The following ARG2 variants were observed in gnomAD, a reference collection of about 807,000 sequenced individuals.
ARG2 encodes arginase-2, mitochondrial.
ARG2 carries 21 observed loss-of-function variants against 39.4 expected under a neutral mutation model. The ratio of observed to expected loss-of-function variants is 0.53; its 90% CI spans 0.38 to 0.77. The LOEUF is 0.77. Ranked by LOEUF, ARG2 falls within the 30% of genes least tolerant of loss-of-function variation. The probability of loss-of-function intolerance (pLI) is 0.00; values close to 1 mark genes in which losing one functional copy is unlikely to be tolerated. For missense variants in ARG2, 378 were observed against 426.2 expected, an observed-to-expected ratio of 0.89 and a Z score of 1.00; for synonymous variants, 150 against 156.7, an observed-to-expected ratio of 0.96 and a Z score of 0.32.
rs766850931 is a variant in ARG2 at position 67,620,954 on chromosome 14, C to G, written c.172C>G (p.Leu58Val). 3.6e-5 allele frequency: 58 copies of G among 1,613,968 alleles called. No homozygotes were observed. The highest frequency in any genetic ancestry group is 4.7e-5 in the Non-Finnish European group (56 of 1,179,972). ...AIREAGLMKR[L>V]SSLGCHLKDF... Reference sequence around the variant, plus strand: ...AAGAGAAGCTGGCTTGATGAAAAGGCTCTCCAGTTTGGGTAAGTGGTTAGA... The same window carrying G: ...AAGAGAAGCTGGCTTGATGAAAAGGGTCTCCAGTTTGGGTAAGTGGTTAGA... Residue 58 changes from leucine (L) to valine (V), a missense_variant, in exon 2 of 8, where the codon CTC (leucine) becomes GTC (valine). Physicochemically the swap from Leu to Val is conservative, Grantham distance 32. Transcript: ENST00000261783.
chr14:67,641,913 T>G (rs1281116829), intron 2 of ARG2, among the ~76,000 whole-genome samples: 2 of 152,244 alleles, frequency 1.3e-5, no homozygotes, highest in Non-Finnish European at 2.9e-5. Flanking sequence ...ATTTCTACTC[T>G]ATCACTCCAG....
Position 67,645,739 on chromosome 14 carries a change from C to T in ARG2, c.459C>T (p.Thr153=), listed in dbSNP as rs1255558856. 6.2e-7 allele frequency: 1 copy of T among 1,613,932 alleles called. No individual in the cohort carries two copies. Among genetic ancestry groups the T allele is most frequent in the African/African-American group, 1.3e-5 (1 of 74,908 alleles). The change falls in exon 4 of 8, where the codon ACC becomes ACT. Residue 153 remains threonine, a synonymous_variant. Transcript: ENST00000261783. ...ATGCTGACATCAACACACCCCTTACCACTTCATCAGGAAATCTCCATGGAC... is the reference window on the plus strand; with the variant it reads ...ATGCTGACATCAACACACCCCTTACTACTTCATCAGGAAATCTCCATGGAC... ...DAHADINTPL[T]TSSGNLHGQP...
At chr14:67,626,914 GC>G (rs2036872427) in intron 2 of ARG2, among the ~76,000 whole-genome samples, 1 of 152,202 alleles carries the variant, frequency 6.6e-6, no homozygotes. Context: ...ACTAATTTAT[GC>G]TACAACATGG....
intron 2 of ARG2, among the ~76,000 whole-genome samples, chr14:67,632,429 A>G (rs935922329): frequency 2.0e-5 from 3 of 152,178 alleles, no homozygotes; most frequent in Non-Finnish European, 2.9e-5. Context: ...CATGGACTGG[A>G]CAGCACCTTT....
At chr14:67,638,394 A>T (rs1174013468) in intron 2 of ARG2, among the ~76,000 whole-genome samples, 1 of 152,104 alleles carries the variant, frequency 6.6e-6, no homozygotes, top group Non-Finnish European at 1.5e-5. Context: ...AAAAATGATT[A>T]AAGTCTGAAA....
At chr14:67,634,280 CTT>C (rs1245223910) in intron 2 of ARG2, among the ~76,000 whole-genome samples, 1 of 152,018 alleles carries the variant, frequency 6.6e-6, no homozygotes, top group Non-Finnish European at 1.5e-5. Context: ...ATATATCAAA[CTT>C]TAACTCTTGC....
At chr14:67,634,818 A>G (rs2036954475) in intron 2 of ARG2, among the ~76,000 whole-genome samples, 1 of 152,234 alleles carries the variant, frequency 6.6e-6, no homozygotes, top group East Asian at 1.9e-4. Flanking sequence ...TAAATAATTT[A>G]ACCTTTGAAT....
Position 67,650,967 on chromosome 14 carries a change from T to G in ARG2, c.*47T>G. 6.4e-7 allele frequency: 1 copy of G among 1,551,618 alleles called. No individual in the cohort carries two copies. Among genetic ancestry groups the G allele is most frequent in the South Asian group, 1.1e-5 (1 of 88,898 alleles). On this transcript the variant is annotated 3_prime_UTR_variant, in exon 8 of 8. Transcript: ENST00000261783. ...TTTCACAACAGGCATTCCAGAATTA[T>G]GAGGCATTGAGGGGATAGATGAATA...
chr14:67,626,621 C>T (rs999485520), intron 2 of ARG2, among the ~76,000 whole-genome samples: 1 of 152,146 alleles, frequency 6.6e-6, no homozygotes, highest in African/African-American at 2.4e-5. Flanking sequence ...CAGGCAAGCA[C>T]CACCATGCCC....
rs1218191328 is a variant in ARG2 at position 67,631,421 on chromosome 14, C to CCTTT, written c.184+10468_184+10471dup. Among the ~76,000 whole-genome samples the CCTTT allele has an allele frequency of 1.4e-3, 205 of 141,490 alleles. 2 individuals are homozygous for CCTTT. Among genetic ancestry groups the CCTTT allele is most frequent in the East Asian group, 7.7e-3 (37 of 4,810 alleles). The allele number at this position is 141,490 out of a possible 152,430, so 92.8% of individuals were successfully genotyped here. On this transcript the variant is annotated intron_variant, in intron 2 of 7. Transcript: ENST00000261783. ...AACTCTTCAAATTCCTCTAGTAAATCCTTTCTTTCTTTCTTTTTTTTTTTT... is the reference window on the plus strand; with the variant it reads ...AACTCTTCAAATTCCTCTAGTAAATCCTTTCTTTCTTTCTTTCTTTTTTTTTTTT...
Position 67,648,046 on chromosome 14 carries a change from G to T in ARG2, c.723-1G>T. ...TATTATTTTATCCTCTTCCTTTTTA[G>T]GAGACAAAGACCAATCCATTTGAGT... On this transcript the variant is annotated splice_acceptor_variant, in intron 6 of 7. Transcript: ENST00000261783. LOFTEE classifies it high-confidence loss of function. 5.0e-6 allele frequency: 8 copies of T among 1,607,874 alleles called. No homozygotes were observed. Among genetic ancestry groups the T allele is most frequent in the Non-Finnish European group, 6.8e-6 (8 of 1,176,650 alleles).
At chr14:67,649,770 T>A (rs2037148511) in intron 7 of ARG2, 3 of 152,208 alleles carry the variant, frequency 2.0e-5, no homozygotes, top group African/African-American at 7.2e-5. Flanking sequence ...AATAAACCAT[T>A]AGGTACATTT....
chr14:67,631,090 C>A (rs1297488531), intron 2 of ARG2, among the ~76,000 whole-genome samples: 1 of 152,204 alleles, frequency 6.6e-6, no homozygotes, highest in Non-Finnish European at 1.5e-5. Context: ...CTCTCCTAAC[C>A]TGTCCTTTCG....
chr14:67,647,317 C>T, intron 6 of ARG2: 1 of 277,288 alleles, frequency 3.6e-6, no homozygotes. Flanking sequence ...TCAACTGTCC[C>T]ATTCTTCCCA....
chr14:67,625,680 CAAA>C (rs1176476000), intron 2 of ARG2, among the ~76,000 whole-genome samples: 1 of 32,126 alleles, frequency 3.1e-5, no homozygotes, highest in Non-Finnish European at 6.6e-5. Flanking sequence ...AACTCCATCT[CAAA>C]AAAAAAAAAA....
Position 67,635,194 on chromosome 14 carries a change from T to C in ARG2, c.185-6992T>C, listed in dbSNP as rs74209269. Among the ~76,000 whole-genome samples the C allele has an allele frequency of 5.0e-3, 755 of 152,194 alleles. 36 individuals carry two copies. The East Asian group carries it at 0.083, about 17-fold the overall frequency. ...GAGAGGTTGAGGCTGCAGTGAGCCA[T>C]GTTTGTGCCACTGCACTCCAGCCTG... is the stretch of plus-strand genomic sequence containing the variant. On this transcript the variant is annotated intron_variant, in intron 2 of 7. Transcript: ENST00000261783.
intron 2 of ARG2, among the ~76,000 whole-genome samples, chr14:67,636,039 A>T (rs1303437482): frequency 1.3e-5 from 2 of 152,008 alleles, no homozygotes; most frequent in Admixed American, 6.6e-5. Flanking sequence ...CAAGTCACAA[A>T]CATTTCTATC....
intron 2 of ARG2, among the ~76,000 whole-genome samples, chr14:67,634,883 C>G (rs1357561478): frequency 2.0e-5 from 3 of 152,172 alleles, no homozygotes; most frequent in Non-Finnish European, 4.4e-5. Context: ...GGAGATGTTA[C>G]AAGGGCTGGT....
At chr14:67,645,030 A>ACT (rs1434386434) in intron 3 of ARG2, among the ~76,000 whole-genome samples, 1 of 151,932 alleles carries the variant, frequency 6.6e-6, no homozygotes, top group Admixed American at 6.6e-5. Context: ...ATGCCATGCT[A>ACT]ATATATATAA....
Sources: allele counts gnomAD v4.1 joint callset (sites outside exome capture counted in the v4.1 genomes callset), GRCh38; gene constraint gnomAD v4.1.1; transcripts MANE v1.5; gene names NCBI Gene and HGNC (gene_info 2026-07-23, HGNC 2026-07-21).